SHISA7: variants seen among roughly 807,000 people sequenced by gnomAD.
The protein encoded by SHISA7 is protein shisa-7.
In SHISA7, 6 loss-of-function variants were observed where a neutral mutation model predicts 23.9. The ratio of observed to expected loss-of-function variants is 0.25; its 90% CI spans 0.14 to 0.50. SHISA7 has a LOEUF of 0.50. Ranked by LOEUF, SHISA7 falls within the 20% of genes least tolerant of loss-of-function variation. SHISA7 has a pLI of 0.98. For missense variants in SHISA7, 671 were observed against 801.1 expected, an observed-to-expected ratio of 0.84 and a Z score of 1.96; for synonymous variants, 386 against 398.3, an observed-to-expected ratio of 0.97 and a Z score of 0.37.
chr19:55,435,382 A>ACGTGG (rs1291024884), intron 3 of SHISA7, among the ~76,000 whole-genome samples: 1 of 94,696 alleles, frequency 1.1e-5, no homozygotes, highest in African/African-American at 4.7e-5. Context: ...TGTGGTGTAT[A>ACGTGG]TGTGGTGTGT....
At chr19:55,436,295 C>CA (rs1011284886) in intron 3 of SHISA7, among the ~76,000 whole-genome samples, 4 of 149,760 alleles carry the variant, frequency 2.7e-5, no homozygotes, top group African/African-American at 9.8e-5. Context: ...CTCAAAAAAA[C>CA]AAAAAACAAA....
In SHISA7 at chr19:55,431,098, T is replaced by A. The variant is rs1363397665; in HGVS notation, c.*2058A>T. 9 of 152,354 alleles carry A rather than the reference T, an allele frequency of 5.9e-5. No homozygotes were observed. Among genetic ancestry groups the A allele is most frequent in the African/African-American group, 2.2e-4 (9 of 41,550 alleles). The allele number at this position is 152,354 out of a possible 1,614,324, so 9.4% of individuals were successfully genotyped here. ...GGCTCTCGTGGATCCTGGCAGGTGA[T>A]AACACCATAGTTGAAGTGGATACTG... is the stretch of plus-strand genomic sequence containing the variant. On this transcript the variant is annotated 3_prime_UTR_variant, in exon 4 of 4. Transcript: ENST00000376325.
intron 3 of SHISA7, among the ~76,000 whole-genome samples, chr19:55,435,373 G>A (rs1316929771): frequency 1.5e-5 from 2 of 132,698 alleles, no homozygotes; most frequent in African/African-American, 5.9e-5. Context: ...TGGTGTGTGT[G>A]TGGTGTATAT....
rs528310702 is a variant in SHISA7 at position 55,433,130 on chromosome 19, G to A, written c.*26C>T. On this transcript the variant is annotated 3_prime_UTR_variant, in exon 4 of 4. Coordinates refer to ENST00000376325, the MANE Select transcript of SHISA7 (RefSeq NM_001145176.2). This position sits in a 1 kb window ranked among gnomAD's most constrained non-coding sequence, Gnocchi z 8.4. ...GCTGGGACGGGGGGCCCGGGAGGCC[G>A]CAGCCCCCCAGACCCGGCCCTGGCC... 6.6e-7 allele frequency: 1 copy of A among 1,505,054 alleles called. No individual in the cohort carries two copies. The highest frequency in any genetic ancestry group is 1.2e-5 in the South Asian group (1 of 81,706). The allele number at this position is 1,505,054 out of a possible 1,614,324, so 93.2% of individuals were successfully genotyped here. A position where few individuals can be genotyped will look rare whatever the true frequency, so the allele number is the denominator to read the frequency against.
chr19:55,442,208 T>A lies in SHISA7; in HGVS notation c.656A>T (p.Asp219Val). ...KASRAPRAHR[D>V]INVPRALVDI... is the part of the protein sequence containing the mutation. ...GCACACGCACCTGGGCACGTTGATA[T>A]CCCGGTGCGCCCGGGGCGCACGGGA... The change falls in exon 1 of 4, where the codon GAT becomes GTT. Residue 219 changes from aspartate (D) to valine (V), a missense_variant. This residue lies in a region of SHISA7 where 457 missense variants were observed against 488.3 expected (regional missense o/e 0.94). Coordinates refer to ENST00000376325, the MANE Select transcript of SHISA7 (RefSeq NM_001145176.2). 6.5e-7 allele frequency: 1 copy of A among 1,533,112 alleles called. No individual in the cohort carries two copies. Among genetic ancestry groups the A allele is most frequent in the Non-Finnish European group, 8.7e-7 (1 of 1,145,286 alleles). The allele number at this position is 1,533,112 out of a possible 1,614,324, so 95.0% of individuals were successfully genotyped here.
chr19:55,441,184 G>A (rs1985591448), intron 1 of SHISA7, among the ~76,000 whole-genome samples: 1 of 151,976 alleles, frequency 6.6e-6, no homozygotes, highest in Admixed American at 6.6e-5. Flanking sequence ...GCAATCCTAC[G>A]GATCGAACCT....
intron 3 of SHISA7, among the ~76,000 whole-genome samples, chr19:55,434,931 TGTG>T (rs1489915781): frequency 8.1e-6 from 1 of 124,190 alleles, no homozygotes; most frequent in Non-Finnish European, 1.7e-5. Context: ...TGTGTGTATA[TGTG>T]GTGTGTGTAT....
intron 2 of SHISA7, 90 bp downstream of exon 2, chr19:55,440,521 T>G: frequency 5.0e-5 from 58 of 1,150,866 alleles, no homozygotes; most frequent in Middle Eastern, 2.2e-4. Flanking sequence ...TCCTGGGCGA[T>G]GGGGGTGGAG....
intron 3 of SHISA7, among the ~76,000 whole-genome samples, chr19:55,434,294 ATATG>A (rs1985298099): frequency 8.3e-6 from 1 of 120,928 alleles, no homozygotes; most frequent in African/African-American, 3.2e-5. Context: ...TGTGTGGTGT[ATATG>A]TGGTGTGTGT....
chr19:55,436,986 C>T (rs1985477006), intron 3 of SHISA7, among the ~76,000 whole-genome samples: 1 of 152,194 alleles, frequency 6.6e-6, no homozygotes, highest in Non-Finnish European at 1.5e-5. Flanking sequence ...GAAGGCTGCT[C>T]CACTGTCAGC....
rs914142144 is a variant in SHISA7, at chr19:55,430,736, G to A, written c.*2420C>T. On this transcript the variant is annotated 3_prime_UTR_variant, in exon 4 of 4. Transcript: ENST00000376325. Reference sequence around the variant, plus strand: ...GGATGGTGACAGCACTGGACCTCATGGATCACGGATGATGACACCAGGGTT... The same window carrying A: ...GGATGGTGACAGCACTGGACCTCATAGATCACGGATGATGACACCAGGGTT... 6.7e-6 allele frequency: 1 copy of A among 150,164 alleles called. No individual in the cohort carries two copies. Among genetic ancestry groups the A allele is most frequent in the East Asian group, 1.9e-4 (1 of 5,130 alleles). 9.3% of individuals were successfully genotyped at this position (150,164 alleles called of 1,614,324 possible). A position where few individuals can be genotyped will look rare whatever the true frequency, so the allele number is the denominator to read the frequency against.
intron 1 of SHISA7, among the ~76,000 whole-genome samples, chr19:55,441,734 C>G (rs1009391625): frequency 6.6e-6 from 1 of 152,222 alleles, no homozygotes; most frequent in African/African-American, 2.4e-5. Context: ...CTGCACGAAT[C>G]AACTCAGTTA....
chr19:55,435,113 G>GGT (rs1204871775), intron 3 of SHISA7, among the ~76,000 whole-genome samples: 1 of 38,794 alleles, frequency 2.6e-5, no homozygotes, highest in African/African-American at 6.5e-5. Context: ...GTGTGTGTGT[G>GGT]GTGTGTGTGG....
chr19:55,435,051 G>GTGT (rs1568450829), intron 3 of SHISA7, among the ~76,000 whole-genome samples: 1 of 76,386 alleles, frequency 1.3e-5, no homozygotes, highest in Non-Finnish European at 2.4e-5. Flanking sequence ...GTGTGTGTGT[G>GTGT]GTGTGTGTGT....
rs1985103611 is a variant in SHISA7 at position 55,429,065 on chromosome 19, A to AG, written c.*4090dup. Reference sequence around the variant, plus strand: ...CGAGGTCCCAGCTCAAGACATGTGGAGGGGAATTGTCAGTACACACCTGCT... The same window carrying AG: ...CGAGGTCCCAGCTCAAGACATGTGGAGGGGGAATTGTCAGTACACACCTGCT... On this transcript the variant is annotated 3_prime_UTR_variant, in exon 4 of 4. Coordinates refer to ENST00000376325, the MANE Select transcript of SHISA7 (RefSeq NM_001145176.2). 1 of 152,216 alleles carries AG rather than the reference A, an allele frequency of 6.6e-6. No homozygotes were observed. The highest frequency in any genetic ancestry group is 2.4e-5 in the African/African-American group (1 of 41,400). The allele number at this position is 152,216 out of a possible 1,614,324, so 9.4% of individuals were successfully genotyped here. A position where few individuals can be genotyped will look rare whatever the true frequency, so the allele number is the denominator to read the frequency against.
chr19:55,439,473 G>C (rs1040870868), intron 2 of SHISA7, among the ~76,000 whole-genome samples: 9 of 152,112 alleles, frequency 5.9e-5, no homozygotes, highest in Non-Finnish European at 1.3e-4. Context: ...CCCACTGCTG[G>C]CTGTGTTGCT....
Position 55,443,118 on chromosome 19 carries a change from A to G in SHISA7, c.-255T>C, listed in dbSNP as rs1392415727. Among the ~76,000 whole-genome samples the G allele has an allele frequency of 6.7e-6, 1 of 149,922 alleles. No individual in the cohort carries two copies. Among genetic ancestry groups the G allele is most frequent in the Non-Finnish European group, 1.5e-5 (1 of 67,456 alleles). ...GCGCGGTGGGCGACGATGGGAGAGTAATGGAAACGCGCCCGGGCACGGCTG... is the reference window on the plus strand; with the variant it reads ...GCGCGGTGGGCGACGATGGGAGAGTGATGGAAACGCGCCCGGGCACGGCTG... On this transcript the variant is annotated 5_prime_UTR_variant, in exon 1 of 4. Transcript: ENST00000376325.
chr19:55,437,608 G>A lies in SHISA7; in HGVS notation c.973C>T (p.Leu325=), dbSNP rs1461621454. The change falls in exon 3 of 4, where the codon CTG becomes TTG. Residue 325 remains leucine, a synonymous_variant. Transcript: ENST00000376325. ...CGCTGCCCTTGCCAGGACTCACCCAGCCTCTTGAGGGAAGAGTAGCGGTTC... is the reference window on the plus strand; with the variant it reads ...CGCTGCCCTTGCCAGGACTCACCCAACCTCTTGAGGGAAGAGTAGCGGTTC... ...ELNRYSSLKR[L]AEKDLDEAYL... is the part of the protein sequence containing the mutation. 30 of 1,550,848 alleles carry A rather than the reference G, an allele frequency of 1.9e-5. No homozygotes were observed. Among genetic ancestry groups the A allele is most frequent in the Non-Finnish European group, 2.5e-5 (29 of 1,146,618 alleles).
In SHISA7 at chr19:55,431,831, C is replaced by G. The variant is rs1985214462; in HGVS notation, c.*1325G>C. ...GATCCTGGTGATCCAGAGTGGCCTC[C>G]TGGGAGCAGAAGGCCATCTGGAGGT... is the stretch of plus-strand genomic sequence containing the variant. On this transcript the variant is annotated 3_prime_UTR_variant, in exon 4 of 4. Coordinates refer to ENST00000376325, the MANE Select transcript of SHISA7 (RefSeq NM_001145176.2). The G allele has an allele frequency of 1.3e-5, 2 of 152,160 alleles. No homozygotes were observed. Among genetic ancestry groups the G allele is most frequent in the African/African-American group, 4.8e-5 (2 of 41,424 alleles). The allele number at this position is 152,160 out of a possible 1,614,324, so 9.4% of individuals were successfully genotyped here.
Sources: allele counts gnomAD v4.1 joint callset (sites outside exome capture counted in the v4.1 genomes callset), GRCh38; gene constraint gnomAD v4.1.1; regional missense constraint gnomAD v4.1.1; non-coding constraint Gnocchi (gnomAD v3.1); transcripts MANE v1.5; gene names NCBI Gene and HGNC (gene_info 2026-07-23, HGNC 2026-07-21).